IL1RAPL1: variants seen among roughly 807,000 people sequenced by gnomAD.
IL1RAPL1 encodes the protein interleukin 1 receptor accessory protein like 1.
Under a neutral mutation model 48.4 loss-of-function variants are expected in IL1RAPL1, and 3 were observed. That is an observed-to-expected ratio of 0.06 (90% CI 0.03 to 0.16). The LOEUF (loss-of-function observed/expected upper bound fraction) is 0.16, where lower values mean the gene tolerates loss of function less well. Among genes scored for constraint, IL1RAPL1 ranks in the 10% least tolerant of loss-of-function variants. The pLI, the probability that IL1RAPL1 is intolerant of heterozygous loss-of-function variation, is 1.00. For synonymous variants in IL1RAPL1, 185 were observed against 187.7 expected (o/e 0.99, Z 0.12); for missense variants, 349 against 530.6 (o/e 0.66, Z 3.36).
intron 3 of IL1RAPL1, among the ~76,000 whole-genome samples, chrX:29,347,115 G>A (rs12556083): frequency 0.36 from 38,850 of 109,382 alleles, 5,928 homozygotes; most frequent in Middle Eastern, 0.56. Context: ...TACCTTACCC[G>A]ACCCTGTGGA....
intron 2 of IL1RAPL1, among the ~76,000 whole-genome samples, chrX:29,100,833 A>T (rs60226687): frequency 0.21 from 23,402 of 111,354 alleles, 2,160 homozygotes; most frequent in African/African-American, 0.35. Context: ...TAGATAACTT[A>T]TGTAAATTGC....
At chrX:28,763,669 A>G (rs1335941569) in intron 1 of IL1RAPL1, among the ~76,000 whole-genome samples, 2 of 111,446 alleles carry the variant, frequency 1.8e-5, no homozygotes. Context: ...AGCAGCATGA[A>G]CTAGGAGTCT....
At chrX:29,566,319 A>C (rs1244848883) in intron 5 of IL1RAPL1, among the ~76,000 whole-genome samples, 2 of 112,095 alleles carry the variant, frequency 1.8e-5, no homozygotes, top group Non-Finnish European at 3.8e-5. Flanking sequence ...TTCTGTAGCC[A>C]GCTAGGTGGT....
chrX:29,080,988 C>CT (rs771378971), intron 2 of IL1RAPL1, among the ~76,000 whole-genome samples: 2 of 39,004 alleles, frequency 5.1e-5, no homozygotes, highest in African/African-American at 1.3e-4. Flanking sequence ...TTCTTTCTTT[C>CT]TTTCTTTCTC....
chrX:29,643,903 C>T (rs1214477345), intron 5 of IL1RAPL1, among the ~76,000 whole-genome samples: 8 of 111,617 alleles, frequency 7.2e-5, no homozygotes, highest in African/African-American at 2.0e-4. Flanking sequence ...GTGTGTCAGG[C>T]GTAATACCCG....
intron 5 of IL1RAPL1, among the ~76,000 whole-genome samples, chrX:29,509,865 TTAGAG>T (rs1935375787): frequency 8.9e-6 from 1 of 112,518 alleles, no homozygotes; most frequent in African/African-American, 3.2e-5. Context: ...TCGTTATAAA[TTAGAG>T]TAATCTTGGA....
At position 28,684,568 on chromosome X, in the gene IL1RAPL1, A is replaced by G. The variant is rs771614253; in HGVS notation, c.-25+96521A>G. Among the ~76,000 whole-genome samples, 10 of 112,153 alleles carry G rather than the reference A, an allele frequency of 8.9e-5. No individual in the cohort carries two copies. The East Asian group carries it at 2.0e-3, about 22-fold the overall frequency. On this transcript the variant is annotated intron_variant, in intron 1 of 10. Transcript: ENST00000378993. The stretch of plus-strand genomic sequence containing the variant: ...TCCTATACTTTCTTGCCTATTTTCT[A>G]TTCAGAAAAAAACAAGGGAACTGAT...
chrX:28,660,140 T>TGTGTGTGTGTGTGTGTG (rs1477990678), intron 1 of IL1RAPL1, among the ~76,000 whole-genome samples: 9 of 85,109 alleles, frequency 1.1e-4, no homozygotes, highest in East Asian at 3.4e-4. Context: ...TGTGTGTGTG[T>TGTGTGTGTGTGTGTGTG]TGGAGTTACT....
At chrX:28,983,199 C>T (rs1205388479) in intron 2 of IL1RAPL1, among the ~76,000 whole-genome samples, 1 of 111,435 alleles carries the variant, frequency 9.0e-6, no homozygotes, top group East Asian at 2.8e-4. Context: ...CTTGGAGAGC[C>T]AAGGTGGCTC....
Position 29,955,796 on chromosome X carries a change from C to G in IL1RAPL1, c.2067C>G (p.Thr689=), listed in dbSNP as rs140330609. The change falls in exon 11 of 11, where the codon ACC becomes ACG. Residue 689 remains threonine, a synonymous_variant. Transcript: ENST00000378993. ...SAILPLLPRE[T]SISSVIW ...TCCTGCCGCTGTTGCCAAGGGAGAC[C>G]AGTATATCCAGTGTGATATGGTGAC... The G allele has an allele frequency of 1.1e-3, 1,299 of 1,206,677 alleles. 2 individuals carry two copies. Among genetic ancestry groups the G allele is most frequent in the Non-Finnish European group, 8.8e-4 (785 of 892,842 alleles).
At chrX:29,741,435 T>A (rs1928193713) in intron 6 of IL1RAPL1, among the ~76,000 whole-genome samples, 1 of 111,783 alleles carries the variant, frequency 8.9e-6, no homozygotes, top group Non-Finnish European at 1.9e-5. Flanking sequence ...TGGAACTTAT[T>A]CCCATCATTT....
At chrX:29,810,625 A>G (rs1327298739) in intron 6 of IL1RAPL1, among the ~76,000 whole-genome samples, 3 of 111,065 alleles carry the variant, frequency 2.7e-5, no homozygotes, top group Non-Finnish European at 5.7e-5. Context: ...TCCTCTTCTC[A>G]TGGAATTCCA....
intron 5 of IL1RAPL1, among the ~76,000 whole-genome samples, chrX:29,609,213 C>T (rs1035400680): frequency 2.7e-5 from 3 of 111,587 alleles, no homozygotes; most frequent in African/African-American, 6.5e-5. Flanking sequence ...ATTTTCCTTT[C>T]GCCTCAAATT....
chrX:29,599,304 C>G (rs1423878785), intron 5 of IL1RAPL1, among the ~76,000 whole-genome samples: 1 of 112,075 alleles, frequency 8.9e-6, no homozygotes, highest in East Asian at 2.8e-4. Context: ...ATACAAAATT[C>G]TTGGCTGATA....
intron 2 of IL1RAPL1, among the ~76,000 whole-genome samples, chrX:29,081,336 G>A (rs1176234822): frequency 6.4e-5 from 7 of 109,231 alleles, no homozygotes; most frequent in East Asian, 2.9e-4. Context: ...GATTATAGGC[G>A]TGAGCCACCG....
chrX:28,944,696 A>T (rs1392251695), intron 2 of IL1RAPL1, among the ~76,000 whole-genome samples: 2 of 110,997 alleles, frequency 1.8e-5, no homozygotes, highest in Middle Eastern at 4.6e-3. Context: ...TGAAGAAAAA[A>T]GTGAAAATAG....
At chrX:29,781,395 T>C (rs1356820483) in intron 6 of IL1RAPL1, among the ~76,000 whole-genome samples, 1 of 111,470 alleles carries the variant, frequency 9.0e-6, no homozygotes, top group Non-Finnish European at 1.9e-5. Flanking sequence ...TGTCAAGAAA[T>C]GAATAGGCAG....
chrX:29,080,038 T>A (rs186438705), intron 2 of IL1RAPL1, among the ~76,000 whole-genome samples: 5 of 111,746 alleles, frequency 4.5e-5, no homozygotes, highest in Admixed American at 3.8e-4. Flanking sequence ...ATTTTGGTTT[T>A]GTTCTTGGAT....
intron 5 of IL1RAPL1, among the ~76,000 whole-genome samples, chrX:29,629,355 A>C (rs1277284925): frequency 9.0e-6 from 1 of 111,115 alleles, no homozygotes; most frequent in African/African-American, 3.3e-5. Context: ...TATCTTTGGT[A>C]GTTTTTTTTT....
Sources: gnomAD v4.1 joint callset for allele counts (sites outside exome capture counted in the v4.1 genomes callset) on GRCh38, gnomAD v4.1.1 for gene constraint, MANE v1.5 for transcripts, NCBI Gene and HGNC (gene_info 2026-07-23, HGNC 2026-07-21) for gene names.